RASIP1: variants seen among roughly 807,000 people sequenced by gnomAD.
RASIP1 encodes ras-interacting protein 1.
Under a neutral mutation model 85.3 loss-of-function variants are expected in RASIP1, and 20 were observed. The ratio of observed to expected loss-of-function variants is 0.23; its 90% CI spans 0.17 to 0.34. The LOEUF (loss-of-function observed/expected upper bound fraction) is 0.34, where lower values mean the gene tolerates loss of function less well. Among genes scored for constraint, RASIP1 ranks in the 10% least tolerant of loss-of-function variants. The probability of loss-of-function intolerance (pLI) is 1.00; values close to 1 mark genes in which losing one functional copy is unlikely to be tolerated. For synonymous variants in RASIP1, 617 were observed against 647.1 expected (o/e 0.95, Z 0.71); for missense variants, 1,170 against 1,390.9 (o/e 0.84, Z 2.53).
chr19:48,721,559 T>C (rs976531340), intron 11 of RASIP1, among the ~76,000 whole-genome samples: 1 of 152,022 alleles, frequency 6.6e-6, no homozygotes, highest in African/African-American at 2.4e-5. Context: ...TCCCAGCACT[T>C]TGGGAGGCCG....
intron 4 of RASIP1, among the ~76,000 whole-genome samples, chr19:48,729,875 C>G (rs1285544894): frequency 6.6e-6 from 1 of 151,852 alleles, no homozygotes; most frequent in African/African-American, 2.4e-5. Flanking sequence ...CCACCACACC[C>G]GGCTAATTTT....
At chr19:48,733,410 C>A (rs968499688) in intron 4 of RASIP1, among the ~76,000 whole-genome samples, 2 of 152,222 alleles carry the variant, frequency 1.3e-5, no homozygotes, top group African/African-American at 4.8e-5. Context: ...CAATCAAGTT[C>A]TGTTGGTACC....
chr19:48,725,014 T>C, intron 8 of RASIP1, 54 bp from the exon 9 acceptor site: 1 of 1,585,714 alleles, frequency 6.3e-7, no homozygotes, highest in Admixed American at 1.7e-5. Context: ...CCCAGGAAGC[T>C]TCAGGGTAAT....
At chr19:48,730,355 A>G (rs1174847440) in intron 4 of RASIP1, among the ~76,000 whole-genome samples, 2 of 151,656 alleles carry the variant, frequency 1.3e-5, no homozygotes, top group African/African-American at 2.4e-5. Flanking sequence ...TAGTAGGGAC[A>G]GGGTCACCAT....
Position 48,740,252 on chromosome 19 carries a change from T to C in RASIP1, c.31A>G (p.Ser11Gly). The change falls in exon 2 of 12, where the codon AGC (serine) becomes GGC (glycine). Residue 11 changes from serine to glycine, a missense_variant. Physicochemically the swap from Ser to Gly is moderately conservative, Grantham distance 56. This residue lies in a region of RASIP1 where 299 missense variants were observed against 394.4 expected (regional missense o/e 0.76). Coordinates refer to ENST00000222145, the MANE Select transcript of RASIP1 (RefSeq NM_017805.3). This position sits in a 1 kb window ranked among gnomAD's most constrained non-coding sequence, Gnocchi z 5.5. ...AGATGAAGCTTCCCGAAGCGGGGGC[T>C]TCCGCCCTCCTTCCGTTCACCAGAC... MLSGERKEGG[S>G]PRFGKLHLPV... The C allele has an allele frequency of 6.3e-7, 1 of 1,588,296 alleles. No individual in the cohort carries two copies. Among genetic ancestry groups the C allele is most frequent in the Non-Finnish European group, 8.5e-7 (1 of 1,170,220 alleles).
At chr19:48,721,328 G>T (rs2033235225) in intron 11 of RASIP1, among the ~76,000 whole-genome samples, 1 of 152,084 alleles carries the variant, frequency 6.6e-6, no homozygotes, top group African/African-American at 2.4e-5. Flanking sequence ...GGTGGTGGGT[G>T]GGTGGCTGGT....
At chr19:48,721,380 G>A (rs1159493178) in intron 11 of RASIP1, among the ~76,000 whole-genome samples, 1 of 152,092 alleles carries the variant, frequency 6.6e-6, no homozygotes, top group Non-Finnish European at 1.5e-5. Flanking sequence ...AGAATAAAGG[G>A]AGCTGGGGGC....
intron 8 of RASIP1, among the ~76,000 whole-genome samples, chr19:48,726,211 C>T (rs906927662): frequency 4.6e-5 from 7 of 152,082 alleles, no homozygotes; most frequent in African/African-American, 1.7e-4. Context: ...AGGCGTGAGC[C>T]ACTGCATCCG....
At position 48,739,105 on chromosome 19, in the gene RASIP1, C is replaced by G. The variant is rs964463786; in HGVS notation, c.678G>C (p.Leu226=). The G allele has an allele frequency of 1.7e-5, 22 of 1,326,808 alleles. No individual in the cohort carries two copies. Among genetic ancestry groups the G allele is most frequent in the Admixed American group, 3.9e-5 (1 of 25,706 alleles). 82.2% of individuals were successfully genotyped at this position (1,326,808 alleles called of 1,614,324 possible). A position where few individuals can be genotyped will look rare whatever the true frequency, so the allele number is the denominator to read the frequency against. The change falls in exon 3 of 12, where the codon CTG becomes CTC. Residue 226 remains leucine (L), a synonymous_variant. Coordinates refer to ENST00000222145, the MANE Select transcript of RASIP1 (RefSeq NM_017805.3). The surrounding 1 kb of genome is among the most constrained non-coding windows in gnomAD (Gnocchi z 9.2). ...GGCGCTCGGAGTCGCCCAGCACGCG[C>G]AGGTGCTCCGCCCGCCACTCGCCGC... is the stretch of plus-strand genomic sequence containing the variant. ...VGSGEWRAEH[L]RVLGDSERPL... is the part of the protein sequence containing the mutation.
chr19:48,735,566 A>G lies in RASIP1; in HGVS notation c.824-15T>C. The stretch of plus-strand genomic sequence containing the variant: ...GGCGCCGGTGCCTGCGGAGAGATGG[A>G]GAACAGTGAGGCTGAGCCTGGAAAG... On this transcript the variant is annotated splice_polypyrimidine_tract_variant and intron_variant, in intron 3 of 11. Transcript: ENST00000222145. 1 of 1,515,306 alleles carries G rather than the reference A, an allele frequency of 6.6e-7. No individual in the cohort carries two copies. Among genetic ancestry groups the G allele is most frequent in the Middle Eastern group, 1.8e-4 (1 of 5,678 alleles). The allele number at this position is 1,515,306 out of a possible 1,614,324, so 93.9% of individuals were successfully genotyped here.
At position 48,729,294 on chromosome 19, in the gene RASIP1, A is replaced by C. The variant is rs1190929544; in HGVS notation, c.1476T>G (p.Thr492=). Residue 492 remains threonine (T), a synonymous_variant, in exon 5 of 12, where the codon ACT becomes ACG. Transcript: ENST00000222145. The stretch of plus-strand genomic sequence containing the variant: ...GCGGCCTCGCAGGCCCCGAGCCCCC[A>C]GTGCGGGGGTCCTTGTACATGAACA... ...HFLFMYKDPR[T]GGSGPARPPW... 1.3e-6 allele frequency: 2 copies of C among 1,546,104 alleles called. No individual in the cohort carries two copies. The highest frequency in any genetic ancestry group is 1.7e-6 in the Non-Finnish European group (2 of 1,146,408).
chr19:48,721,434 C>T (rs905182780), intron 11 of RASIP1, among the ~76,000 whole-genome samples: 3 of 151,898 alleles, frequency 2.0e-5, no homozygotes, highest in African/African-American at 7.3e-5. Flanking sequence ...GGGTCCTGCA[C>T]TTATGTCCTG....
intron 11 of RASIP1, 49 bp downstream of exon 11, chr19:48,721,802 CAAA>C (rs2033251657): frequency 1.3e-6 from 2 of 1,544,062 alleles, no homozygotes; most frequent in African/African-American, 2.8e-5. Context: ...GACTCCGTCT[CAAA>C]AGAAGAAGAA....
Position 48,727,381 on chromosome 19 carries a change from A to G in RASIP1, c.1871+12T>C, listed in dbSNP as rs528043476. Reference sequence around the variant, plus strand: ...CATCCCTCCAGACCACTCTGCTCAGAATTTCTCTTACTTTTCTGGCTGACG... The same window carrying G: ...CATCCCTCCAGACCACTCTGCTCAGGATTTCTCTTACTTTTCTGGCTGACG... On this transcript the variant is annotated intron_variant, in intron 6 of 11. Transcript: ENST00000222145. 7.3e-5 allele frequency: 117 copies of G among 1,613,350 alleles called. 1 individual carries two copies. In the South Asian group the frequency reaches 1.2e-3, roughly 16 times the overall value.
intron 3 of RASIP1, 94 bp from the exon 4 acceptor site, chr19:48,735,645 G>C (rs1468092884): frequency 8.1e-7 from 1 of 1,231,184 alleles, no homozygotes; most frequent in Non-Finnish European, 1.1e-6. Flanking sequence ...GTTGCAGAGA[G>C]GTGAGGCTGC....
rs927128636 is a variant in RASIP1, at chr19:48,720,973, G to C, written c.2717C>G (p.Ser906Trp). ...DTGDIFESFS[S>W]HPPLILPLGS... is the part of the protein sequence containing the mutation. ...CAGGGGGAGGATGAGGGGCGGGTGCGAGGAGAAGCTTTCGAAGATGTCCCC... is the reference window on the plus strand; with the variant it reads ...CAGGGGGAGGATGAGGGGCGGGTGCCAGGAGAAGCTTTCGAAGATGTCCCC... The change falls in exon 12 of 12, where the codon TCG (serine) becomes TGG (tryptophan). Residue 906 changes from serine to tryptophan, a missense_variant. Physicochemically the swap from Ser to Trp is radical, Grantham distance 177. Around this residue, in one of 4 missense-constraint regions of RASIP1, gnomAD observed 144 missense variants for 125.5 expected, o/e 1.15. Coordinates refer to ENST00000222145, the MANE Select transcript of RASIP1 (RefSeq NM_017805.3). 1 of 1,607,788 alleles carries C rather than the reference G, an allele frequency of 6.2e-7. No individual in the cohort carries two copies. Among genetic ancestry groups the C allele is most frequent in the African/African-American group, 1.3e-5 (1 of 74,848 alleles).
chr19:48,740,425 C>G lies in RASIP1; in HGVS notation c.-5+96G>C, dbSNP rs1443339577. On this transcript the variant is annotated intron_variant, in intron 1 of 11. Coordinates refer to ENST00000222145, the MANE Select transcript of RASIP1 (RefSeq NM_017805.3). The surrounding 1 kb of genome is among the most constrained non-coding windows in gnomAD (Gnocchi z 5.5). Reference sequence around the variant, plus strand: ...TCCAGGGGGAGGAGAGGGATGGTACCCTGGATTCCTGGGTCCTGGGATGGA... The same window carrying G: ...TCCAGGGGGAGGAGAGGGATGGTACGCTGGATTCCTGGGTCCTGGGATGGA... 7.2e-6 allele frequency: 10 copies of G among 1,393,308 alleles called. No individual in the cohort carries two copies. Among genetic ancestry groups the G allele is most frequent in the Non-Finnish European group, 9.4e-6 (10 of 1,069,180 alleles). 86.3% of individuals were successfully genotyped at this position (1,393,308 alleles called of 1,614,324 possible).
At chr19:48,734,807 A>T (rs2033539495) in intron 4 of RASIP1, among the ~76,000 whole-genome samples, 1 of 152,074 alleles carries the variant, frequency 6.6e-6, no homozygotes, top group East Asian at 1.9e-4. Flanking sequence ...TAGAGACAGG[A>T]TCTCACTATG....
At position 48,724,324 on chromosome 19, in the gene RASIP1, G is replaced by T; in HGVS notation, c.2544+13C>A. On this transcript the variant is annotated intron_variant, in intron 10 of 11. Coordinates refer to ENST00000222145, the MANE Select transcript of RASIP1 (RefSeq NM_017805.3). The surrounding 1 kb of genome is among the most constrained non-coding windows in gnomAD (Gnocchi z 4.6). ...CAGAGGTCAGGGGTCAGGTATAGCT[G>T]ACCAGGAGTCACCTTGAGCAGGGAA... 6.2e-7 allele frequency: 1 copy of T among 1,612,418 alleles called. No individual in the cohort carries two copies. The highest frequency in any genetic ancestry group is 1.1e-5 in the South Asian group (1 of 90,866).
Sources: allele counts gnomAD v4.1 joint callset (sites outside exome capture counted in the v4.1 genomes callset), GRCh38; gene constraint gnomAD v4.1.1; regional missense constraint gnomAD v4.1.1; non-coding constraint Gnocchi (gnomAD v3.1); transcripts MANE v1.5; gene names NCBI Gene and HGNC (gene_info 2026-07-23, HGNC 2026-07-21).